The following TENM3 variants were observed in gnomAD, a reference collection of about 807,000 sequenced individuals.
TENM3 encodes the protein teneurin-3.
TENM3 carries 63 observed loss-of-function variants against 255.1 expected under a neutral mutation model. The observed-to-expected ratio is 0.25, with a 90% CI of 0.20 to 0.30. The LOEUF is 0.30. Among genes scored for constraint, TENM3 ranks in the 10% least tolerant of loss-of-function variants. TENM3 has a pLI of 1.00. For missense variants in TENM3, 2,929 were observed against 3,461.1 expected (o/e 0.85, Z 3.86); for synonymous variants, 1,306 against 1,322.3 (o/e 0.99, Z 0.27).
the TENM3 span, among the ~76,000 whole-genome samples, chr4:182,068,248 A>G: frequency 5.9e-5 from 9 of 152,182 alleles, no homozygotes; most frequent in African/African-American, 2.2e-4. Context: ...TGAGCAGGGC[A>G]AAGACATCCA....
rs762036451 is a variant in TENM3, at chr4:182,796,766, C to T, written c.7343C>T (p.Pro2448Leu). 1.9e-5 allele frequency: 30 copies of T among 1,601,722 alleles called. No individual in the cohort carries two copies. The highest frequency in any genetic ancestry group is 2.5e-5 in the Non-Finnish European group (29 of 1,173,806). ...LVKSQQWDDI[P>L]PIFGVQQQVA... ...AAGAGTCAGCAGTGGGATGATATAC[C>T]GGTAAGAAACAAAAAGACCTACGGA... Residue 2448 changes from proline (P) to leucine (L), a missense_variant and splice_region_variant, in exon 27 of 28, where the codon CCG (proline) becomes CTG (leucine). Physicochemically the swap from Pro to Leu is moderately conservative, Grantham distance 98. Around this residue, in one of 6 missense-constraint regions of TENM3, gnomAD observed 476 missense variants for 480.1 expected, o/e 0.99. Transcript: ENST00000511685.
intron 3 of TENM3, among the ~76,000 whole-genome samples, chr4:182,382,406 A>G (rs1023982203): frequency 6.6e-6 from 1 of 151,192 alleles, no homozygotes; most frequent in Non-Finnish European, 1.5e-5. Flanking sequence ...ATTTTGTTGC[A>G]TATCTCACAT....
intron 24 of TENM3, among the ~76,000 whole-genome samples, chr4:182,783,086 G>T (rs1226302225): frequency 7.3e-5 from 11 of 150,572 alleles, no homozygotes; most frequent in Non-Finnish European, 1.3e-4. Context: ...GTGTGAATTT[G>T]ATCCTGTCAT....
At chr4:181,622,597 A>G in the TENM3 span, among the ~76,000 whole-genome samples, 1 of 152,014 alleles carries the variant, frequency 6.6e-6, no homozygotes, top group Non-Finnish European at 1.5e-5. Flanking sequence ...AATCGCTTGA[A>G]CCCAGGAAAT....
At chr4:181,981,985 G>A in the TENM3 span, among the ~76,000 whole-genome samples, 1 of 152,064 alleles carries the variant, frequency 6.6e-6, no homozygotes, top group South Asian at 2.1e-4. Context: ...GGTATACGTG[G>A]GAAGTGAATG....
At chr4:182,711,987 G>C (rs1426841662) in intron 12 of TENM3, among the ~76,000 whole-genome samples, 1 of 151,960 alleles carries the variant, frequency 6.6e-6, no homozygotes, top group Non-Finnish European at 1.5e-5. Context: ...TCTTATCACA[G>C]AATAAGAAAT....
intron 3 of TENM3, among the ~76,000 whole-genome samples, chr4:182,385,298 T>A (rs1051323874): frequency 7.9e-6 from 1 of 127,278 alleles, no homozygotes; most frequent in Non-Finnish European, 1.6e-5. Flanking sequence ...GGCGTCTCGC[T>A]CTGTCACTCA....
the TENM3 span, among the ~76,000 whole-genome samples, chr4:181,582,677 AAAAAAAAAAG>A: frequency 3.4e-5 from 5 of 147,166 alleles, no homozygotes; most frequent in African/African-American, 7.7e-5. Context: ...ATCAAAAAAA[AAAAAAAAAAG>A]AAAGAAAGAA....
At chr4:182,045,272 A>C in the TENM3 span, among the ~76,000 whole-genome samples, 1 of 152,074 alleles carries the variant, frequency 6.6e-6, no homozygotes, top group Non-Finnish European at 1.5e-5. Context: ...GAGAATCCTG[A>C]GGAGGGTCTG....
chr4:181,621,479 T>C, the TENM3 span, among the ~76,000 whole-genome samples: 1 of 152,164 alleles, frequency 6.6e-6, no homozygotes, highest in Non-Finnish European at 1.5e-5. Flanking sequence ...CAATAACATA[T>C]CAATTAACTT....
chr4:182,389,574 CAA>C (rs1332450247), intron 3 of TENM3, among the ~76,000 whole-genome samples: 2 of 151,864 alleles, frequency 1.3e-5, no homozygotes, highest in African/African-American at 4.8e-5. Flanking sequence ...GGGAATATGA[CAA>C]AGTGGAAATT....
the TENM3 span, among the ~76,000 whole-genome samples, chr4:181,469,590 C>T: frequency 6.6e-6 from 1 of 152,054 alleles, no homozygotes; most frequent in Non-Finnish European, 1.5e-5. Flanking sequence ...TAGTTCATGG[C>T]CAGAAGAGCA....
At chr4:181,722,609 G>A in the TENM3 span, among the ~76,000 whole-genome samples, 1 of 152,092 alleles carries the variant, frequency 6.6e-6, no homozygotes, top group Non-Finnish European at 1.5e-5. Context: ...ATTACTTCTA[G>A]TAGGAAACAT....
chr4:181,825,147 A>G, the TENM3 span, among the ~76,000 whole-genome samples: 1 of 152,228 alleles, frequency 6.6e-6, no homozygotes, highest in Non-Finnish European at 1.5e-5. Flanking sequence ...TCACGCCGAT[A>G]ATCCCAGCAC....
chr4:182,219,248 A>G (rs1373342221), intron 1 of TENM3, among the ~76,000 whole-genome samples: 2 of 152,084 alleles, frequency 1.3e-5, no homozygotes, highest in Non-Finnish European at 2.9e-5. Context: ...AACAAAAACA[A>G]TAAAAACCAT....
intron 1 of TENM3, among the ~76,000 whole-genome samples, chr4:182,271,688 C>T (rs997558967): frequency 6.6e-6 from 1 of 152,176 alleles, no homozygotes; most frequent in African/African-American, 2.4e-5. Flanking sequence ...ACGGGGCTTC[C>T]CATCTTCAAT....
At chr4:181,762,410 C>T in the TENM3 span, among the ~76,000 whole-genome samples, 1 of 152,174 alleles carries the variant, frequency 6.6e-6, no homozygotes, top group African/African-American at 2.4e-5. Context: ...CGTCCATGCT[C>T]CAATCTGTTT....
intron 6 of TENM3, among the ~76,000 whole-genome samples, chr4:182,667,174 TTTTTGTTTTGTTTTG>T (rs149236811): frequency 2.0e-5 from 3 of 149,976 alleles, no homozygotes; most frequent in African/African-American, 4.9e-5. Flanking sequence ...AGTTACCATT[TTTTTGTTTTGTTTTG>T]TTTTGTTTTG....
intron 13 of TENM3, among the ~76,000 whole-genome samples, chr4:182,727,297 A>G (rs1431875790): frequency 6.6e-6 from 1 of 152,066 alleles, no homozygotes; most frequent in African/African-American, 2.4e-5. Flanking sequence ...CTCTACTAAA[A>G]ATACAAAAAT....
Sources: allele counts gnomAD v4.1 joint callset (sites outside exome capture counted in the v4.1 genomes callset), GRCh38; gene constraint gnomAD v4.1.1; regional missense constraint gnomAD v4.1.1; transcripts MANE v1.5; gene names NCBI Gene and HGNC (gene_info 2026-07-23, HGNC 2026-07-21).